The following TPM3 variants were observed in gnomAD, a reference collection of about 807,000 sequenced individuals.
TPM3 encodes the protein tropomyosin 3.
Under a neutral mutation model 43.1 loss-of-function variants are expected in TPM3, and 16 were observed. The ratio of observed to expected loss-of-function variants is 0.37; its 90% CI spans 0.25 to 0.56. The LOEUF (loss-of-function observed/expected upper bound fraction) is 0.56. Among genes scored for constraint, TPM3 ranks in the 20% least tolerant of loss-of-function variants. TPM3 has a pLI of 0.77. For synonymous variants in TPM3, 101 were observed against 116.9 expected (o/e 0.86, Z 0.88); for missense variants, 176 against 337.2 (o/e 0.52, Z 3.74).
At chr1:154,169,205 T>C in intron 9 of TPM3, 100 bp downstream of exon 9, 1 of 1,221,520 alleles carries the variant, frequency 8.2e-7, no homozygotes, top group Non-Finnish European at 1.2e-6. Flanking sequence ...GAGATTCTAG[T>C]TTCCAAAGGA....
In TPM3 at chr1:154,191,050, G is replaced by C. The variant is rs11802893; in HGVS notation, c.243+136C>G. The C allele has an allele frequency of 0.13, 177,215 of 1,366,716 alleles. 13,574 individuals carry two copies. Among genetic ancestry groups the C allele is most frequent in the East Asian group, 0.38 (16,378 of 43,176 alleles). The allele number at this position is 1,366,716 out of a possible 1,614,324, so 84.7% of individuals were successfully genotyped here. Reference sequence around the variant, plus strand: ...CATTATGAGAATATACCAGCATGTGGTTATATGCAAAAATGTATGTGAGTA... The same window carrying C: ...CATTATGAGAATATACCAGCATGTGCTTATATGCAAAAATGTATGTGAGTA... On this transcript the variant is annotated intron_variant, in intron 2 of 9. Coordinates refer to ENST00000651641, the MANE Select transcript of TPM3 (RefSeq NM_152263.4).
At position 154,162,939 on chromosome 1, in the gene TPM3, TAGTTGGGACTAC is replaced by T. The variant is rs1374456030; in HGVS notation, c.*4986_*4997del. The stretch of plus-strand genomic sequence containing the variant: ...TTCTCTCCTGCCTCAGCCTCTCGAG[TAGTTGGGACTAC>T]AGGCATGTGCCACCATGTCCAGCTA... On this transcript the variant is annotated 3_prime_UTR_variant, in exon 10 of 10. Coordinates refer to ENST00000651641, the MANE Select transcript of TPM3 (RefSeq NM_152263.4). Among the ~76,000 whole-genome samples, 3 of 152,116 alleles carry T rather than the reference TAGTTGGGACTAC, an allele frequency of 2.0e-5. No homozygotes were observed. The highest frequency in any genetic ancestry group is 4.4e-5 in the Non-Finnish European group (3 of 68,018).
chr1:154,179,966 T>C (rs964480818), intron 2 of TPM3, among the ~76,000 whole-genome samples: 2 of 152,138 alleles, frequency 1.3e-5, no homozygotes, highest in Non-Finnish European at 2.9e-5. Flanking sequence ...TGTACATTTA[T>C]AAATGGTTAA....
At chr1:154,157,757 G>C (rs1659959554), downstream of TPM3, 3 of 780,718 alleles carry the variant, frequency 3.8e-6, no homozygotes, top group Non-Finnish European at 4.8e-6. Context: ...ACAAGAACTA[G>C]AAGTAAATTT....
intron 2 of TPM3, chr1:154,183,533 C>G: frequency 2.7e-6 from 1 of 369,788 alleles, no homozygotes; most frequent in Non-Finnish European, 5.3e-6. Context: ...CTCACTCCCG[C>G]AATGCCGATA....
At position 154,165,214 on chromosome 1, in the gene TPM3, C is replaced by T. The variant is rs954202617; in HGVS notation, c.*2723G>A. ...CTGGCCAACATGCTGAAACCCCGTC[C>T]GTACTAAAAATACAAAAATCAGCTG... is the stretch of plus-strand genomic sequence containing the variant. On this transcript the variant is annotated 3_prime_UTR_variant, in exon 10 of 10. Coordinates refer to ENST00000651641, the MANE Select transcript of TPM3 (RefSeq NM_152263.4). 1.3e-5 allele frequency among the ~76,000 whole-genome samples: 2 copies of T among 149,338 alleles called. No individual in the cohort carries two copies. Among genetic ancestry groups the T allele is most frequent in the Non-Finnish European group, 1.5e-5 (1 of 67,110 alleles).
At chr1:154,189,851 G>C (rs1411446080) in intron 2 of TPM3, among the ~76,000 whole-genome samples, 1 of 150,018 alleles carries the variant, frequency 6.7e-6, no homozygotes, top group Non-Finnish European at 1.5e-5. Flanking sequence ...CCGGATGGCA[G>C]AGAGACCAAA....
chr1:154,177,591 C>T (rs1662480410), intron 2 of TPM3, among the ~76,000 whole-genome samples: 1 of 152,076 alleles, frequency 6.6e-6, no homozygotes, highest in African/African-American at 2.4e-5. Flanking sequence ...TAATATGCCC[C>T]GCACACCACC....
At chr1:154,174,492 C>A (rs1396083739) in intron 3 of TPM3, among the ~76,000 whole-genome samples, 1 of 142,640 alleles carries the variant, frequency 7.0e-6, no homozygotes, top group Non-Finnish European at 1.5e-5. Context: ...CTTTTTTTTC[C>A]CCCCGGTATT....
chr1:154,176,456 T>C (rs1662322442), intron 2 of TPM3, among the ~76,000 whole-genome samples: 1 of 152,074 alleles, frequency 6.6e-6, no homozygotes, highest in Admixed American at 6.6e-5. Flanking sequence ...CTCCCATATG[T>C]TCCACAGGAA....
intron 2 of TPM3, among the ~76,000 whole-genome samples, chr1:154,189,257 C>T (rs1165024581): frequency 1.4e-5 from 2 of 139,854 alleles, no homozygotes; most frequent in African/African-American, 2.7e-5. Flanking sequence ...CTGAGGCAGG[C>T]GGATCACTTG....
intron 5 of TPM3, chr1:154,171,929 C>T: frequency 8.1e-7 from 1 of 1,238,878 alleles, no homozygotes; most frequent in Non-Finnish European, 1.2e-6. Context: ...AGACAGCACT[C>T]AACAAAATCA....
chr1:154,168,980 G>T (rs1380854835), intron 9 of TPM3, among the ~76,000 whole-genome samples: 3 of 151,376 alleles, frequency 2.0e-5, no homozygotes, highest in Non-Finnish European at 2.9e-5. Flanking sequence ...GATTACAGGT[G>T]CACTGCCACC....
intron 2 of TPM3, chr1:154,178,029 CTCA>C: frequency 1.9e-6 from 1 of 533,956 alleles, no homozygotes; most frequent in Non-Finnish European, 2.4e-6. Flanking sequence ...CACATTTCTC[CTCA>C]CAAACCCAAC....
chr1:154,160,060 G>A (rs1289798558), downstream of TPM3, among the ~76,000 whole-genome samples: 1 of 143,990 alleles, frequency 6.9e-6, no homozygotes, highest in African/African-American at 2.6e-5. Flanking sequence ...GATACAAGCA[G>A]CTAAGTGCTC....
chr1:154,159,076 C>CA, downstream of TPM3: 1 of 779,710 alleles, frequency 1.3e-6, no homozygotes, highest in Non-Finnish European at 2.4e-6. Context: ...AGGAGGGGAA[C>CA]ACAAGAGAAG....
At position 154,167,396 on chromosome 1, in the gene TPM3, A is replaced by G. The variant is rs981047278; in HGVS notation, c.*541T>C. 3.8e-5 allele frequency: 40 copies of G among 1,064,062 alleles called. No individual in the cohort carries two copies. The highest frequency in any genetic ancestry group is 4.4e-5 in the Non-Finnish European group (39 of 878,162). The allele number at this position is 1,064,062 out of a possible 1,614,324, so 65.9% of individuals were successfully genotyped here. ...AGAATGTGTATTGAGAGTCACTTCA[A>G]TGGCTTCTCAATGACACCACACCAA... is the stretch of plus-strand genomic sequence containing the variant. On this transcript the variant is annotated 3_prime_UTR_variant, in exon 10 of 10. Transcript: ENST00000651641.
intron 8 of TPM3, 112 bp downstream of exon 8, chr1:154,170,288 T>C: frequency 8.5e-7 from 1 of 1,175,762 alleles, no homozygotes; most frequent in Non-Finnish European, 1.3e-6. Context: ...ATGATATTAA[T>C]ACATGCCAAG....
chr1:154,170,582 A>G (rs939913855), intron 7 of TPM3, 67 bp downstream of exon 7: 81 of 1,592,386 alleles, frequency 5.1e-5, no homozygotes, highest in Non-Finnish European at 6.9e-5. Flanking sequence ...GCCAGTTTAA[A>G]TCCATATTAA....
Sources: gnomAD v4.1 joint callset for allele counts (sites outside exome capture counted in the v4.1 genomes callset) on GRCh38, gnomAD v4.1.1 for gene constraint, MANE v1.5 for transcripts, NCBI Gene and HGNC (gene_info 2026-07-23, HGNC 2026-07-21) for gene names.